The following ATRN variants were observed in gnomAD, a reference collection of about 807,000 sequenced individuals.
ATRN encodes attractin.
Under a neutral mutation model 178.7 loss-of-function variants are expected in ATRN, and 54 were observed. The ratio of observed to expected loss-of-function variants is 0.30; its 90% CI spans 0.24 to 0.38. ATRN has a LOEUF of 0.38. Ranked by LOEUF, ATRN falls within the 10% of genes least tolerant of loss-of-function variation. The pLI is 1.00. For missense variants in ATRN, 1,443 were observed against 1,815.1 expected (o/e 0.79, Z 3.73); for synonymous variants, 636 against 663.0 (o/e 0.96, Z 0.63).
chr20:3,543,082 T>C (rs2085648270), intron 3 of ATRN, among the ~76,000 whole-genome samples: 2 of 152,220 alleles, frequency 1.3e-5, no homozygotes, highest in Non-Finnish European at 2.9e-5. Context: ...CAATCAAATG[T>C]CACCTCTTCT....
intron 1 of ATRN, among the ~76,000 whole-genome samples, chr20:3,501,548 T>C (rs1286635579): frequency 6.6e-6 from 1 of 152,194 alleles, no homozygotes; most frequent in East Asian, 1.9e-4. Flanking sequence ...AGTGGTAGAA[T>C]AGCTTTTTCT....
chr20:3,583,564 T>G (rs1047578028), intron 16 of ATRN, among the ~76,000 whole-genome samples: 1 of 152,214 alleles, frequency 6.6e-6, no homozygotes, highest in Admixed American at 6.5e-5. Flanking sequence ...ATCCCAGCAC[T>G]TTAGGAGGCC....
chr20:3,644,280 C>G lies in ATRN; in HGVS notation c.4165+12C>G. On this transcript the variant is annotated intron_variant, in intron 28 of 28. Transcript: ENST00000262919. The stretch of plus-strand genomic sequence containing the variant: ...TCCTGGGCAGTCAGGTGAGTAGATG[C>G]GGTCCAGCGAAAGACACCTTCTAAG... The G allele has an allele frequency of 1.9e-6, 3 of 1,587,686 alleles. No individual in the cohort carries two copies. The highest frequency in any genetic ancestry group is 2.6e-6 in the Non-Finnish European group (3 of 1,155,954).
intron 11 of ATRN, among the ~76,000 whole-genome samples, chr20:3,570,733 T>C (rs2086109837): frequency 6.6e-6 from 1 of 152,230 alleles, no homozygotes; most frequent in Non-Finnish European, 1.5e-5. Context: ...AGACTCATTG[T>C]GAACATTTCT....
At chr20:3,514,153 A>C (rs1456057978) in intron 1 of ATRN, among the ~76,000 whole-genome samples, 1 of 152,130 alleles carries the variant, frequency 6.6e-6, no homozygotes, top group African/African-American at 2.4e-5. Flanking sequence ...CCATCTTGGA[A>C]CCACCCTCAG....
intron 25 of ATRN, among the ~76,000 whole-genome samples, chr20:3,629,567 T>C (rs1448327728): frequency 6.6e-6 from 1 of 152,196 alleles, no homozygotes; most frequent in Non-Finnish European, 1.5e-5. Context: ...ACACTACCCA[T>C]AGTTGGAGCA....
chr20:3,588,507 AT>A (rs1309247161), intron 18 of ATRN, among the ~76,000 whole-genome samples: 1 of 152,170 alleles, frequency 6.6e-6, no homozygotes, highest in Admixed American at 6.5e-5. Context: ...CCAGTTTTGC[AT>A]TCCTGGGATA....
At chr20:3,544,716 C>A (rs190781640) in intron 3 of ATRN, among the ~76,000 whole-genome samples, 8 of 152,120 alleles carry the variant, frequency 5.3e-5, no homozygotes, top group Admixed American at 4.6e-4. Context: ...GGGATGGACC[C>A]TTCATTCTGT....
chr20:3,633,312 G>A (rs1444046882), intron 25 of ATRN, among the ~76,000 whole-genome samples: 1 of 152,216 alleles, frequency 6.6e-6, no homozygotes, highest in Non-Finnish European at 1.5e-5. Flanking sequence ...CCCTTAGGGA[G>A]GAGGCAGTGA....
intron 27 of ATRN, among the ~76,000 whole-genome samples, chr20:3,640,165 TGAA>T (rs2087056770): frequency 6.6e-6 from 1 of 152,196 alleles, no homozygotes; most frequent in African/African-American, 2.4e-5. Flanking sequence ...CAAGCAGATC[TGAA>T]GAAGAACCAA....
At chr20:3,546,548 C>T (rs559545766) in intron 4 of ATRN, among the ~76,000 whole-genome samples, 3 of 152,076 alleles carry the variant, frequency 2.0e-5, no homozygotes, top group African/African-American at 4.8e-5. Flanking sequence ...CCCACCACTT[C>T]GCCCAGCTAA....
At chr20:3,535,735 G>A (rs894975023) in intron 2 of ATRN, among the ~76,000 whole-genome samples, 18 of 152,008 alleles carry the variant, frequency 1.2e-4, no homozygotes, top group Admixed American at 6.6e-5. Context: ...AGGTTCAAGC[G>A]ATTCTCCTGA....
intron 25 of ATRN, among the ~76,000 whole-genome samples, chr20:3,625,907 G>A (rs2086934448): frequency 6.6e-6 from 1 of 152,122 alleles, no homozygotes; most frequent in Non-Finnish European, 1.5e-5. Context: ...TCTCCTGACT[G>A]AAAATATATT....
intron 1 of ATRN, among the ~76,000 whole-genome samples, chr20:3,499,485 G>A (rs1183917056): frequency 1.3e-5 from 2 of 150,062 alleles, no homozygotes; most frequent in African/African-American, 2.5e-5. Context: ...CCAAAACAGA[G>A]ATATAGATCA....
chr20:3,563,220 A>G lies in ATRN; in HGVS notation c.1643A>G (p.Lys548Arg). ...AATAAACTCAAAAGGACCATTCTTA[A>G]GGACAGCCGATTTTTCCGTTACTTG... is the stretch of plus-strand genomic sequence containing the variant. The part of the protein sequence containing the change: ...DVDTQMWTIL[K>R]DSRFFRYLHT... The change falls in exon 10 of 29, where the codon AAG becomes AGG. Residue 548 changes from lysine (K) to arginine (R), a missense_variant. Physicochemically the swap from Lys to Arg is conservative, Grantham distance 26. This residue lies in a region of ATRN where 862 missense variants were observed against 972.1 expected (regional missense o/e 0.89). Transcript: ENST00000262919. 1 of 1,612,844 alleles carries G rather than the reference A, an allele frequency of 6.2e-7. No homozygotes were observed. Among genetic ancestry groups the G allele is most frequent in the African/African-American group, 1.3e-5 (1 of 75,026 alleles).
chr20:3,587,361 T>A (rs1221312960), intron 18 of ATRN, among the ~76,000 whole-genome samples: 3 of 152,204 alleles, frequency 2.0e-5, no homozygotes, highest in Non-Finnish European at 4.4e-5. Flanking sequence ...TTCATAGATT[T>A]GTGTGTTACA....
At chr20:3,533,812 A>G (rs1257468724) in intron 1 of ATRN, among the ~76,000 whole-genome samples, 1 of 151,932 alleles carries the variant, frequency 6.6e-6, no homozygotes, top group Admixed American at 6.6e-5. Context: ...ATCTATATCT[A>G]TATAGATACA....
intron 1 of ATRN, among the ~76,000 whole-genome samples, chr20:3,498,586 T>G (rs1213747070): frequency 6.6e-6 from 1 of 152,054 alleles, no homozygotes; most frequent in Non-Finnish European, 1.5e-5. Context: ...AAAAACCACA[T>G]GATTATCTCA....
Position 3,638,814 on chromosome 20 carries a change from ATAT to A in ATRN, c.3943-9_3943-7del. 3 of 1,612,782 alleles carry A rather than the reference ATAT, an allele frequency of 1.9e-6. No individual in the cohort carries two copies. The highest frequency in any genetic ancestry group is 2.5e-6 in the Non-Finnish European group (3 of 1,178,832). ...TACTCATTCCATTAATGGCTTTGCC[ATAT>A]TATTTATCAGCAACTTCTTCGAGAG... On this transcript the variant is annotated splice_polypyrimidine_tract_variant and intron_variant, in intron 26 of 28. Coordinates refer to ENST00000262919, the MANE Select transcript of ATRN (RefSeq NM_139321.3). This position sits in a 1 kb window ranked among gnomAD's most constrained non-coding sequence, Gnocchi z 4.5.
Sources: allele counts gnomAD v4.1 joint callset (sites outside exome capture counted in the v4.1 genomes callset), GRCh38; gene constraint gnomAD v4.1.1; regional missense constraint gnomAD v4.1.1; non-coding constraint Gnocchi (gnomAD v3.1); transcripts MANE v1.5; gene names NCBI Gene and HGNC (gene_info 2026-07-23, HGNC 2026-07-21).